SLC36A3: variants seen among roughly 807,000 people sequenced by gnomAD.
SLC36A3 encodes the protein solute carrier family 36 member 3.
A neutral mutation model predicts 44.3 loss-of-function variants in SLC36A3; 35 were observed. That is an observed-to-expected ratio of 0.79 (90% CI 0.60 to 1.05). The LOEUF is 1.05. Among genes scored for constraint, SLC36A3 ranks in the 50% least tolerant of loss-of-function variants. The pLI is 0.00. For missense variants in SLC36A3, 540 were observed against 578.7 expected, an observed-to-expected ratio of 0.93 and a Z score of 0.69; for synonymous variants, 211 against 227.6, an observed-to-expected ratio of 0.93 and a Z score of 0.66.
intron 3 of SLC36A3, among the ~76,000 whole-genome samples, chr5:151,295,649 A>C (rs1183085922): frequency 6.6e-6 from 1 of 152,228 alleles, no homozygotes; most frequent in Admixed American, 6.5e-5. Flanking sequence ...TTTCTTTCTG[A>C]AATTGTTTTT....
chr5:151,282,314 A>T (rs1242417880), intron 8 of SLC36A3, among the ~76,000 whole-genome samples: 1 of 151,382 alleles, frequency 6.6e-6, no homozygotes, highest in African/African-American at 2.4e-5. Context: ...GATTACAGGC[A>T]TGCACCACCA....
Position 151,293,432 on chromosome 5 carries a change from TC to T in SLC36A3, c.335del (p.Gly112GlufsTer16). The T allele has an allele frequency of 6.2e-7, 1 of 1,613,536 alleles. No homozygotes were observed. The highest frequency in any genetic ancestry group is 2.2e-5 in the East Asian group (1 of 44,862). On this transcript the variant is annotated frameshift_variant, in exon 4 of 10. Coordinates refer to ENST00000335230, the MANE Select transcript of SLC36A3 (RefSeq NM_181774.4). LOFTEE classifies it high-confidence loss of function. Reference protein sequence around the residue: ...QRLQKTFVNYGEATMYGLETC... With the variant: ...QRLQKTFVNYXEATMYGLETC... ...TTTCAAGGCCGTACATCGTGGCCTC[TC>T]CATAGTTCACAAAAGTCTTCTGCAG...
At chr5:151,301,980 A>C (rs1162463975) in intron 1 of SLC36A3, among the ~76,000 whole-genome samples, 1 of 152,246 alleles carries the variant, frequency 6.6e-6, no homozygotes, top group Non-Finnish European at 1.5e-5. Flanking sequence ...ATTTCATTAT[A>C]CTTTAAAGAA....
chr5:151,296,582 T>G (rs1754968638), intron 2 of SLC36A3: 2 of 382,706 alleles, frequency 5.2e-6, no homozygotes, highest in South Asian at 6.7e-5. Flanking sequence ...AAATTTATTT[T>G]GTCTGACACA....
intron 2 of SLC36A3, 69 bp downstream of exon 2, chr5:151,298,524 G>T: frequency 1.4e-6 from 2 of 1,466,746 alleles, no homozygotes; most frequent in Non-Finnish European, 1.9e-6. Flanking sequence ...CAGTGTGAAG[G>T]CCTTCAGGAC....
rs1428332460 is a variant in SLC36A3 at position 151,293,402 on chromosome 5, G to T, written c.366C>A (p.Cys122Ter). 6.2e-6 allele frequency: 10 copies of T among 1,613,630 alleles called. No individual in the cohort carries two copies. Among genetic ancestry groups the T allele is most frequent in the Admixed American group, 3.3e-5 (2 of 59,966 alleles). The change falls in exon 4 of 10, where the codon TGC becomes TGA. Residue 122 changes from cysteine to a stop codon, truncating the protein, a stop_gained. Transcript: ENST00000335230. LOFTEE classifies it high-confidence loss of function. ...CATGGGCCCTCAGCCAGGTGTTCGG[G>T]CAGGTTTCAAGGCCGTACATCGTGG... is the stretch of plus-strand genomic sequence containing the variant. ...GEATMYGLET[C>*]PNTWLRAHAV...
chr5:151,277,410 T>G lies in SLC36A3; in HGVS notation c.1396A>C (p.Thr466Pro). Residue 466 changes from threonine (T) to proline (P), a missense_variant, in exon 10 of 10, where the codon ACA becomes CCA. Transcript: ENST00000335230. ...QPISHSMANS[T>P]GVHA ...ACAGATAATTATGCATGGACACCTG[T>G]GGAGTTGGCCATGGAATGGCTGATG... 1 of 1,614,178 alleles carries G rather than the reference T, an allele frequency of 6.2e-7. No individual in the cohort carries two copies. The highest frequency in any genetic ancestry group is 8.5e-7 in the Non-Finnish European group (1 of 1,180,022).
At position 151,293,387 on chromosome 5, in the gene SLC36A3, C is replaced by T. The variant is rs764906296; in HGVS notation, c.381G>A (p.Leu127=). The change falls in exon 4 of 10, where the codon CTG becomes CTA. Residue 127 remains leucine, a synonymous_variant. Coordinates refer to ENST00000335230, the MANE Select transcript of SLC36A3 (RefSeq NM_181774.4). ...ACCTTCCCCACACTGCATGGGCCCTCAGCCAGGTGTTCGGGCAGGTTTCAA... is the reference window on the plus strand; with the variant it reads ...ACCTTCCCCACACTGCATGGGCCCTTAGCCAGGTGTTCGGGCAGGTTTCAA... ...YGLETCPNTW[L]RAHAVWGRYT... 1.2e-6 allele frequency: 2 copies of T among 1,613,782 alleles called. No homozygotes were observed. Among genetic ancestry groups the T allele is most frequent in the Non-Finnish European group, 1.7e-6 (2 of 1,179,792 alleles).
chr5:151,302,485 A>G (rs1384336310), intron 1 of SLC36A3, among the ~76,000 whole-genome samples: 15 of 147,946 alleles, frequency 1.0e-4, no homozygotes, highest in Admixed American at 9.8e-4. Context: ...AAAACCAAAC[A>G]CTGCATGTTC....
intron 9 of SLC36A3, 136 bp downstream of exon 9, chr5:151,280,878 T>C (rs1165493037): frequency 4.5e-5 from 41 of 901,650 alleles, no homozygotes; most frequent in Middle Eastern, 3.1e-4. Flanking sequence ...CGTGGAAAAA[T>C]TGAGGTCCAG....
chr5:151,282,042 G>A (rs1353147665), intron 8 of SLC36A3, among the ~76,000 whole-genome samples: 4 of 149,360 alleles, frequency 2.7e-5, no homozygotes, highest in Non-Finnish European at 5.9e-5. Flanking sequence ...ACACACACAT[G>A]CATACACATA....
chr5:151,303,227 G>T lies in SLC36A3; in HGVS notation c.128C>A (p.Ser43Ter), dbSNP rs761677518. The change falls in exon 1 of 10, where the codon TCG (serine) becomes TAG (stop). Residue 43 changes from serine (S) to a stop codon, truncating the protein, a stop_gained and splice_region_variant. Transcript: ENST00000335230. LOFTEE classifies it high-confidence loss of function. ...NVHPAGEAGL[S>*]MMQTLIHLLK... is the part of the protein sequence containing the mutation. ...CTGGAAGGGCGGTGCGGCCACTTAC[G>T]ATAGTCCAGCTTCTCCAGCAGGATG... is the stretch of plus-strand genomic sequence containing the variant. The T allele has an allele frequency of 2.4e-5, 38 of 1,612,106 alleles. No individual in the cohort carries two copies. The highest frequency in any genetic ancestry group is 3.1e-5 in the Non-Finnish European group (37 of 1,178,892).
At chr5:151,284,478 A>T in intron 7 of SLC36A3, 135 bp downstream of exon 7, 1 of 737,162 alleles carries the variant, frequency 1.4e-6, no homozygotes, top group South Asian at 2.1e-5. Context: ...GTATGTGGGT[A>T]CAGACTTTCC....
chr5:151,287,677 C>G (rs1754596450), intron 5 of SLC36A3, among the ~76,000 whole-genome samples: 1 of 152,184 alleles, frequency 6.6e-6, no homozygotes, highest in African/African-American at 2.4e-5. Context: ...TTGGGCAACC[C>G]TGTCGGGCCC....
At chr5:151,284,771 T>A in intron 6 of SLC36A3, 60 bp from the exon 7 acceptor site, 1 of 1,368,168 alleles carries the variant, frequency 7.3e-7, no homozygotes, top group Non-Finnish European at 1.0e-6. Context: ...ATCCCAAATC[T>A]TTGCCTGGTA....
intron 4 of SLC36A3, chr5:151,288,918 G>T (rs147226783): frequency 0.031 from 4,791 of 152,434 alleles, 109 homozygotes; most frequent in Non-Finnish European, 0.041. Context: ...AATTAGCCAG[G>T]TGTGGTGGCA....
intron 1 of SLC36A3, among the ~76,000 whole-genome samples, chr5:151,302,354 ACCAGATAG>A (rs1755188967): frequency 6.6e-6 from 1 of 152,250 alleles, no homozygotes; most frequent in Admixed American, 6.5e-5. Context: ...TCTGATGATT[ACCAGATAG>A]CAGTGTGATT....
chr5:151,288,333 C>G (rs2127262009), intron 5 of SLC36A3, 53 bp downstream of exon 5: 1 of 1,412,466 alleles, frequency 7.1e-7, no homozygotes, highest in East Asian at 2.4e-5. Context: ...AATGTAGCCT[C>G]AGCAGCAGGA....
chr5:151,277,589 A>G lies in SLC36A3; in HGVS notation c.1217T>C (p.Leu406Pro). 1.9e-6 allele frequency: 3 copies of G among 1,614,226 alleles called. No individual in the cohort carries two copies. Among genetic ancestry groups the G allele is most frequent in the South Asian group, 2.2e-5 (2 of 91,086 alleles). ...SLVGSVSSSA[L>P]ALIIPALLEI... is the part of the protein sequence containing the mutation. ...CAGGAGGGCTGGGATGATGAGAGCC[A>G]GGGCGCTGCTGCTCACGGAGCCTAC... The change falls in exon 10 of 10, where the codon CTG becomes CCG. Residue 406 changes from leucine to proline, a missense_variant. Transcript: ENST00000335230.
Sources: gnomAD v4.1 joint callset for allele counts (sites outside exome capture counted in the v4.1 genomes callset) on GRCh38, gnomAD v4.1.1 for gene constraint, MANE v1.5 for transcripts, NCBI Gene and HGNC (gene_info 2026-07-23, HGNC 2026-07-21) for gene names.